COBLL1: variants seen among roughly 807,000 people sequenced by gnomAD.
COBLL1 encodes the protein cordon-bleu WH2 repeat protein like 1.
Under a neutral mutation model 94.8 loss-of-function variants are expected in COBLL1, and 50 were observed. The ratio of observed to expected loss-of-function variants is 0.53; its 90% CI spans 0.42 to 0.67. The LOEUF is 0.67. COBLL1 is among the 30% of genes least tolerant of loss of function. COBLL1 has a pLI of 0.00. For missense variants in COBLL1, 1,362 were observed against 1,348.7 expected (o/e 1.01, Z -0.15); for synonymous variants, 448 against 473.8 (o/e 0.95, Z 0.71).
intron 10 of COBLL1, among the ~76,000 whole-genome samples, chr2:164,699,983 T>A (rs1053596416): frequency 8.5e-5 from 13 of 152,066 alleles, no homozygotes; most frequent in Admixed American, 8.5e-4. Context: ...TGGTTTATTT[T>A]GCTTGGTTGA....
intron 3 of COBLL1, among the ~76,000 whole-genome samples, chr2:164,735,699 C>T (rs1481120620): frequency 6.6e-6 from 1 of 152,002 alleles, no homozygotes; most frequent in Non-Finnish European, 1.5e-5. Flanking sequence ...TCAGAATTAT[C>T]CACCTGGATG....
rs72061846 is a variant in COBLL1, at chr2:164,777,331, T to TACACACAC, written c.42-33464_42-33457dup. On this transcript the variant is annotated intron_variant, in intron 2 of 13. Transcript: ENST00000652658. ...AACAAAAATTCACTAAATCATGAGT[T>TACACACAC]ACACACACACACACACACACACACA... is the stretch of plus-strand genomic sequence containing the variant. Among the ~76,000 whole-genome samples the TACACACAC allele has an allele frequency of 1.5e-3, 223 of 149,174 alleles. 1 individual carries two copies. Among genetic ancestry groups the TACACACAC allele is most frequent in the African/African-American group, 4.0e-3 (165 of 40,760 alleles).
intron 3 of COBLL1, among the ~76,000 whole-genome samples, chr2:164,731,234 C>T (rs540189649): frequency 5.9e-5 from 9 of 152,108 alleles, no homozygotes; most frequent in Admixed American, 2.0e-4. Flanking sequence ...TGATAGAAAA[C>T]GCTTATCAGC....
At chr2:164,770,468 A>G (rs1233795934) in intron 2 of COBLL1, among the ~76,000 whole-genome samples, 1 of 152,144 alleles carries the variant, frequency 6.6e-6, no homozygotes, top group African/African-American at 2.4e-5. Flanking sequence ...GAGCTGTAAA[A>G]CTATATTAAA....
chr2:164,840,362 G>C (rs753881588), intron 2 of COBLL1, among the ~76,000 whole-genome samples: 9 of 152,022 alleles, frequency 5.9e-5, no homozygotes, highest in South Asian at 2.1e-4. Flanking sequence ...GGTTACTCCT[G>C]AACTATTTAC....
intron 2 of COBLL1, among the ~76,000 whole-genome samples, chr2:164,745,739 A>T (rs1372940231): frequency 6.6e-6 from 1 of 152,236 alleles, no homozygotes; most frequent in African/African-American, 2.4e-5. Flanking sequence ...GAGAATGAAT[A>T]GAAACACACA....
intron 9 of COBLL1, chr2:164,703,267 T>C (rs1190310446): frequency 7.8e-7 from 1 of 1,277,448 alleles, no homozygotes; most frequent in Non-Finnish European, 1.1e-6. Context: ...GACAACAGAG[T>C]TAAGGCAAGC....
At chr2:164,739,049 G>C (rs560148671) in intron 3 of COBLL1, among the ~76,000 whole-genome samples, 20 of 152,170 alleles carry the variant, frequency 1.3e-4, no homozygotes, top group African/African-American at 4.3e-4. Flanking sequence ...ATTAGGATAT[G>C]CAGAAATGCC....
In COBLL1 at chr2:164,801,438, CAAAAAAAAAAAAAAAAA is replaced by C. The variant is rs143505097; in HGVS notation, c.41+39701_41+39717del. Among the ~76,000 whole-genome samples, 218 of 28,216 alleles carry C rather than the reference CAAAAAAAAAAAAAAAAA, an allele frequency of 7.7e-3. 3 individuals carry two copies. Among genetic ancestry groups the C allele is most frequent in the South Asian group, 0.016 (7 of 428 alleles). The allele number at this position is 28,216 out of a possible 152,430, so 18.5% of individuals were successfully genotyped here. A position where few individuals can be genotyped will look rare whatever the true frequency, so the allele number is the denominator to read the frequency against. ...TGGGCGACAGAGCGAGACTCCGTCT[CAAAAAAAAAAAAAAAAA>C]AAAAAAAAAAAAAAGCTTAGCTAAG... On this transcript the variant is annotated intron_variant, in intron 2 of 13. Transcript: ENST00000652658.
At chr2:164,796,016 A>G (rs963482669) in intron 2 of COBLL1, among the ~76,000 whole-genome samples, 2 of 152,154 alleles carry the variant, frequency 1.3e-5, no homozygotes, top group African/African-American at 4.8e-5. Flanking sequence ...ACAGGACCCC[A>G]CCTACAATAT....
At chr2:164,724,646 T>C (rs1462659787) in intron 5 of COBLL1, 1 of 152,152 alleles carries the variant, frequency 6.6e-6, no homozygotes, top group African/African-American at 2.4e-5. Context: ...TCAATAACAT[T>C]TGACATAAAA....
rs192336961 is a variant in COBLL1, at chr2:164,764,087, A to G, written c.42-20212T>C. Reference sequence around the variant, plus strand: ...ATTTTTTTGTTTGTTTAGTAGAGACAGGGTCTCACTATGTTTATCAGAGTG... The same window carrying G: ...ATTTTTTTGTTTGTTTAGTAGAGACGGGGTCTCACTATGTTTATCAGAGTG... On this transcript the variant is annotated intron_variant, in intron 2 of 13. Transcript: ENST00000652658. Among the ~76,000 whole-genome samples, 740 of 152,248 alleles carry G rather than the reference A, an allele frequency of 4.9e-3. 8 individuals are homozygous for G. Among genetic ancestry groups the G allele is most frequent in the African/African-American group, 0.016 (680 of 41,548 alleles).
intron 2 of COBLL1, among the ~76,000 whole-genome samples, chr2:164,810,987 T>C (rs1228190845): frequency 6.6e-6 from 1 of 151,894 alleles, no homozygotes; most frequent in African/African-American, 2.4e-5. Flanking sequence ...ATAATAGATA[T>C]AATCCACTTG....
At chr2:164,745,253 A>G (rs1488758453) in intron 2 of COBLL1, among the ~76,000 whole-genome samples, 3 of 152,204 alleles carry the variant, frequency 2.0e-5, no homozygotes, top group African/African-American at 4.8e-5. Flanking sequence ...TACAATGTAC[A>G]TTCATTTACT....
intron 2 of COBLL1, among the ~76,000 whole-genome samples, chr2:164,805,362 T>TAA (rs1274948736): frequency 8.4e-6 from 1 of 118,478 alleles, no homozygotes; most frequent in South Asian, 2.6e-4. Flanking sequence ...TATATATATA[T>TAA]AAAACTAAAG....
intron 11 of COBLL1, chr2:164,697,053 C>G (rs923955510): frequency 6.6e-6 from 1 of 151,826 alleles, no homozygotes; most frequent in Non-Finnish European, 1.5e-5. Flanking sequence ...TATAGTTTCT[C>G]TCTTAAAAAA....
intron 2 of COBLL1, among the ~76,000 whole-genome samples, chr2:164,752,175 G>A (rs1466354447): frequency 6.6e-6 from 1 of 152,160 alleles, no homozygotes; most frequent in Non-Finnish European, 1.5e-5. Context: ...CTTGAGTGTT[G>A]ACTGTGTGTT....
intron 9 of COBLL1, among the ~76,000 whole-genome samples, chr2:164,704,143 T>C (rs1027839129): frequency 1.9e-4 from 29 of 152,234 alleles, no homozygotes; most frequent in African/African-American, 6.7e-4. Context: ...TCATTACACT[T>C]GGGAAGGAGG....
At chr2:164,699,896 CT>C (rs1287579848) in intron 10 of COBLL1, among the ~76,000 whole-genome samples, 3 of 151,976 alleles carry the variant, frequency 2.0e-5, no homozygotes. Flanking sequence ...CCTCACTGAT[CT>C]TTTTTTCCCT....
Sources: gnomAD v4.1 joint callset for allele counts (sites outside exome capture counted in the v4.1 genomes callset) on GRCh38, gnomAD v4.1.1 for gene constraint, MANE v1.5 for transcripts, NCBI Gene and HGNC (gene_info 2026-07-23, HGNC 2026-07-21) for gene names.